Variants in CNTNAP2 observed in about 807,000 individuals in gnomAD.
CNTNAP2 encodes the protein contactin-associated protein-like 2.
A neutral mutation model predicts 155.2 loss-of-function variants in CNTNAP2; 98 were observed. The observed-to-expected ratio is 0.63, with a 90% CI of 0.54 to 0.75. The LOEUF (loss-of-function observed/expected upper bound fraction) is 0.75, where lower values mean the gene tolerates loss of function less well. Ranked by LOEUF, CNTNAP2 falls within the 30% of genes least tolerant of loss-of-function variation. The pLI, the probability that CNTNAP2 is intolerant of heterozygous loss-of-function variation, is 0.00. For missense variants in CNTNAP2, 1,727 were observed against 1,688.1 expected (o/e 1.02, Z -0.40); for synonymous variants, 651 against 631.2 (o/e 1.03, Z -0.47).
At chr7:146,972,549 A>G (rs1797824278) in intron 3 of CNTNAP2, among the ~76,000 whole-genome samples, 1 of 152,218 alleles carries the variant, frequency 6.6e-6, no homozygotes, top group African/African-American at 2.4e-5. Flanking sequence ...AGGTAATATA[A>G]TTTAAAATAA....
chr7:146,931,799 C>A (rs1342569446), intron 3 of CNTNAP2, among the ~76,000 whole-genome samples: 1 of 151,442 alleles, frequency 6.6e-6, no homozygotes, highest in Non-Finnish European at 1.5e-5. Context: ...TCAGAGAATA[C>A]TACAAACACC....
intron 1 of CNTNAP2, among the ~76,000 whole-genome samples, chr7:146,425,834 G>T (rs1796078899): frequency 1.3e-5 from 2 of 151,718 alleles, no homozygotes; most frequent in Non-Finnish European, 2.9e-5. Context: ...TTGAGGAGAA[G>T]AAACTACAAA....
intron 13 of CNTNAP2, among the ~76,000 whole-genome samples, chr7:147,750,490 A>T (rs975162605): frequency 1.3e-5 from 2 of 152,160 alleles, no homozygotes; most frequent in African/African-American, 2.4e-5. Flanking sequence ...GTATGATCAT[A>T]AAAAAGTTAA....
At chr7:146,446,964 T>A (rs1054190059) in intron 1 of CNTNAP2, among the ~76,000 whole-genome samples, 17 of 152,200 alleles carry the variant, frequency 1.1e-4, no homozygotes, top group African/African-American at 4.1e-4. Flanking sequence ...CAATTTATAC[T>A]AACTATGGCT....
At chr7:147,426,926 G>C (rs1797386242) in intron 10 of CNTNAP2, among the ~76,000 whole-genome samples, 1 of 152,082 alleles carries the variant, frequency 6.6e-6, no homozygotes, top group Non-Finnish European at 1.5e-5. Context: ...GGTGGTTTTT[G>C]ATAATCAACT....
intron 21 of CNTNAP2, among the ~76,000 whole-genome samples, chr7:148,353,768 T>C (rs925978786): frequency 2.0e-5 from 3 of 152,204 alleles, no homozygotes; most frequent in African/African-American, 7.2e-5. Flanking sequence ...GATACATGTA[T>C]TTGGCAAAAC....
intron 1 of CNTNAP2, among the ~76,000 whole-genome samples, chr7:146,410,807 C>A (rs1163771708): frequency 1.3e-5 from 2 of 152,184 alleles, no homozygotes; most frequent in Non-Finnish European, 2.9e-5. Context: ...ACCATTCTAG[C>A]CTCTGCTTCT....
intron 3 of CNTNAP2, among the ~76,000 whole-genome samples, chr7:147,009,024 G>A (rs1293079622): frequency 2.7e-5 from 4 of 149,948 alleles, no homozygotes; most frequent in Non-Finnish European, 4.4e-5. Flanking sequence ...GGGCTATTTT[G>A]GGGTAATATT....
intron 19 of CNTNAP2, among the ~76,000 whole-genome samples, chr7:148,229,157 T>C (rs568139908): frequency 1.3e-5 from 2 of 152,332 alleles, no homozygotes; most frequent in Non-Finnish European, 2.9e-5. Flanking sequence ...TATGGGTCAG[T>C]AGGCCTCTGA....
At chr7:147,507,427 G>A (rs868246851) in intron 11 of CNTNAP2, among the ~76,000 whole-genome samples, 9 of 151,964 alleles carry the variant, frequency 5.9e-5, no homozygotes, top group African/African-American at 9.6e-5. Context: ...ACCCTTCAAC[G>A]TGGCTACCAT....
At chr7:147,638,297 T>C (rs1277538601) in intron 12 of CNTNAP2, among the ~76,000 whole-genome samples, 1 of 152,258 alleles carries the variant, frequency 6.6e-6, no homozygotes, top group Non-Finnish European at 1.5e-5. Context: ...AGTTTTATCT[T>C]AGAGGAAATG....
At chr7:148,255,547 C>T (rs1272255424) in intron 20 of CNTNAP2, among the ~76,000 whole-genome samples, 1 of 152,106 alleles carries the variant, frequency 6.6e-6, no homozygotes, top group African/African-American at 2.4e-5. Context: ...TTTTTTCTTC[C>T]TACTATTTTG....
At chr7:147,444,576 A>G (rs1324970107) in intron 10 of CNTNAP2, among the ~76,000 whole-genome samples, 1 of 150,394 alleles carries the variant, frequency 6.6e-6, no homozygotes, top group Non-Finnish European at 1.5e-5. Context: ...CTAAGAGTGA[A>G]ATTAAAACCA....
chr7:148,389,128 A>C (rs1374634636), intron 22 of CNTNAP2, among the ~76,000 whole-genome samples: 5 of 152,148 alleles, frequency 3.3e-5, no homozygotes, highest in Non-Finnish European at 5.9e-5. Flanking sequence ...TGTAGACTGG[A>C]GCTGTTCCTA....
chr7:147,300,406 A>AAAAT, intron 9 of CNTNAP2, 116 bp downstream of exon 9: 2 of 1,078,054 alleles, frequency 1.9e-6, no homozygotes, highest in South Asian at 1.3e-5. Flanking sequence ...ATCTCATGAC[A>AAAAT]AAACAAACTG....
At chr7:146,479,606 T>C (rs999470496) in intron 1 of CNTNAP2, among the ~76,000 whole-genome samples, 1 of 152,054 alleles carries the variant, frequency 6.6e-6, no homozygotes, top group East Asian at 1.9e-4. Context: ...GAACAATTAA[T>C]TTATAAAAAA....
chr7:147,742,899 C>G (rs145845273), intron 13 of CNTNAP2, among the ~76,000 whole-genome samples: 1 of 152,142 alleles, frequency 6.6e-6, no homozygotes, highest in Non-Finnish European at 1.5e-5. Flanking sequence ...AAATCATCCT[C>G]GATGTGGTCC....
chr7:147,409,731 G>T (rs1797070749), intron 10 of CNTNAP2, among the ~76,000 whole-genome samples: 1 of 151,784 alleles, frequency 6.6e-6, no homozygotes, highest in Non-Finnish European at 1.5e-5. Context: ...CTAAAAAGTG[G>T]GCAAAGGACG....
At chr7:146,286,878 G>T (rs907613489) in intron 1 of CNTNAP2, among the ~76,000 whole-genome samples, 23 of 152,146 alleles carry the variant, frequency 1.5e-4, no homozygotes, top group African/African-American at 5.5e-4. Context: ...GGCTGAGGTG[G>T]AAGGATCACC....
Sources: gnomAD v4.1 joint callset for allele counts (sites outside exome capture counted in the v4.1 genomes callset) on GRCh38, gnomAD v4.1.1 for gene constraint, MANE v1.5 for transcripts, NCBI Gene and HGNC (gene_info 2026-07-23, HGNC 2026-07-21) for gene names.